XKR9: variants seen among roughly 807,000 people sequenced by gnomAD.
XKR9 encodes the protein XK related 9.
Under a neutral mutation model 32.0 loss-of-function variants are expected in XKR9, and 32 were observed. The observed-to-expected ratio is 1.00, with a 90% CI of 0.76 to 1.34. The LOEUF is 1.34. XKR9 is among the 40% of genes most tolerant of loss of function. The pLI, the probability that XKR9 is intolerant of heterozygous loss-of-function variation, is 0.00. For synonymous variants in XKR9, 168 were observed against 143.4 expected (o/e 1.17, Z -1.22); for missense variants, 546 against 429.7 (o/e 1.27, Z -2.39).
Position 70,681,350 on chromosome 8 carries a change from C to A in XKR9, c.272+20C>A. 1 of 1,591,154 alleles carries A rather than the reference C, an allele frequency of 6.3e-7. No homozygotes were observed. Among genetic ancestry groups the A allele is most frequent in the East Asian group, 2.2e-5 (1 of 44,538 alleles). On this transcript the variant is annotated intron_variant, in intron 3 of 4. Transcript: ENST00000408926. ...TACAAGGTGAGCATACATGTTTAAT[C>A]ATTACCACTGTTTTTCTTTTTCCAA...
chr8:70,813,024 A>G, the XKR9 span, among the ~76,000 whole-genome samples: 18 of 152,106 alleles, frequency 1.2e-4, no homozygotes, highest in African/African-American at 2.4e-4. Context: ...GAGGCATCAC[A>G]CTACCTGACT....
chr8:70,900,321 T>C, the XKR9 span, among the ~76,000 whole-genome samples: 1 of 152,098 alleles, frequency 6.6e-6, no homozygotes, highest in East Asian at 1.9e-4. Flanking sequence ...CTGGGTGCAG[T>C]GCTCGCGCTT....
the XKR9 span, among the ~76,000 whole-genome samples, chr8:70,900,098 GT>G: frequency 1.3e-5 from 2 of 150,564 alleles, no homozygotes; most frequent in African/African-American, 4.9e-5. Context: ...GTGAAACTCT[GT>G]GTAAAAAAAA....
the XKR9 span, among the ~76,000 whole-genome samples, chr8:70,849,341 T>A: frequency 1.3e-5 from 2 of 152,198 alleles, no homozygotes; most frequent in Non-Finnish European, 2.9e-5. Context: ...ACATGGAAAC[T>A]GAACAACCTG....
At chr8:70,688,675 C>T (rs1490375918) in intron 3 of XKR9, among the ~76,000 whole-genome samples, 5 of 150,718 alleles carry the variant, frequency 3.3e-5, no homozygotes, top group Admixed American at 6.6e-5. Context: ...CTCGGCCTCC[C>T]AAAGTGCTGG....
the XKR9 span, among the ~76,000 whole-genome samples, chr8:70,852,306 G>A: frequency 6.6e-6 from 1 of 152,158 alleles, no homozygotes; most frequent in South Asian, 2.1e-4. Flanking sequence ...AGGAAGTGGA[G>A]AAAAGAATGC....
chr8:70,973,815 G>A, the XKR9 span, among the ~76,000 whole-genome samples: 11 of 152,226 alleles, frequency 7.2e-5, no homozygotes, highest in South Asian at 2.1e-4. Flanking sequence ...TTCCACTGTC[G>A]TTGGAGAGAG....
intron 3 of XKR9, among the ~76,000 whole-genome samples, chr8:70,686,885 A>G (rs954061606): frequency 2.0e-5 from 3 of 152,184 alleles, no homozygotes; most frequent in African/African-American, 7.2e-5. Flanking sequence ...TGATAGACAT[A>G]TATAATGTAT....
intron 4 of XKR9, among the ~76,000 whole-genome samples, chr8:70,731,055 G>C (rs530680944): frequency 8.5e-5 from 13 of 152,304 alleles, no homozygotes; most frequent in African/African-American, 3.1e-4. Flanking sequence ...TGACCAGCCT[G>C]CTAGGCTGGC....
the XKR9 span, among the ~76,000 whole-genome samples, chr8:70,846,148 T>G: frequency 6.6e-6 from 1 of 151,998 alleles, no homozygotes; most frequent in South Asian, 2.1e-4. Context: ...GATGATATAT[T>G]CAAAGTGGTG....
the XKR9 span, among the ~76,000 whole-genome samples, chr8:70,814,836 G>T: frequency 6.6e-6 from 1 of 152,186 alleles, no homozygotes. Flanking sequence ...ACAATCTTAT[G>T]TCTAGAAAAC....
At chr8:71,032,298 AAAAAAAAAAAC>A in the XKR9 span, among the ~76,000 whole-genome samples, 1 of 150,958 alleles carries the variant, frequency 6.6e-6, no homozygotes, top group African/African-American at 2.5e-5. Context: ...AAAAAAAAAA[AAAAAAAAAAAC>A]CACTTTGGAA....
the XKR9 span, among the ~76,000 whole-genome samples, chr8:70,874,683 G>A: frequency 1.3e-5 from 2 of 152,162 alleles, no homozygotes; most frequent in East Asian, 3.9e-4. Context: ...TATTGACTTC[G>A]TATCTGAAAA....
At chr8:70,755,552 A>G (rs985502030) in intron 2 of XKR9, among the ~76,000 whole-genome samples, 37 of 152,248 alleles carry the variant, frequency 2.4e-4, no homozygotes, top group African/African-American at 8.4e-4. Flanking sequence ...AATGTGACAC[A>G]TATACACCAT....
intron 2 of XKR9, among the ~76,000 whole-genome samples, chr8:70,784,391 T>C (rs1000880235): frequency 1.4e-5 from 2 of 147,296 alleles, no homozygotes; most frequent in African/African-American, 2.5e-5. Context: ...ATGATTTTTT[T>C]ATAGTTTTTA....
chr8:71,036,526 G>A, the XKR9 span, among the ~76,000 whole-genome samples: 1 of 152,098 alleles, frequency 6.6e-6, no homozygotes, highest in East Asian at 1.9e-4. Context: ...GGGATTTGGG[G>A]TCAAAGAACA....
At chr8:70,960,247 C>G in the XKR9 span, among the ~76,000 whole-genome samples, 4 of 132,502 alleles carry the variant, frequency 3.0e-5, no homozygotes, top group African/African-American at 5.1e-5. Flanking sequence ...CTCCGTCCCC[C>G]CCAAAAAAAA....
the XKR9 span, among the ~76,000 whole-genome samples, chr8:70,861,685 C>G: frequency 2.6e-5 from 4 of 151,980 alleles, no homozygotes; most frequent in East Asian, 7.7e-4. Flanking sequence ...TAAAATAAAG[C>G]TGTTGTGAGA....
chr8:70,899,428 CA>C, the XKR9 span, among the ~76,000 whole-genome samples: 1 of 143,546 alleles, frequency 7.0e-6, no homozygotes, highest in African/African-American at 2.6e-5. Flanking sequence ...GCCAGGAAGA[CA>C]GTTTTTTTTT....
Sources: allele counts gnomAD v4.1 joint callset (sites outside exome capture counted in the v4.1 genomes callset), GRCh38; gene constraint gnomAD v4.1.1; transcripts MANE v1.5; gene names NCBI Gene and HGNC (gene_info 2026-07-23, HGNC 2026-07-21).